The following ABCA4 variants were observed in gnomAD, a reference collection of about 807,000 sequenced individuals.
ABCA4 encodes ATP binding cassette subfamily A member 4.
A neutral mutation model predicts 263.7 loss-of-function variants in ABCA4; 196 were observed. The observed-to-expected ratio is 0.74, with a 90% CI of 0.66 to 0.84. The LOEUF (loss-of-function observed/expected upper bound fraction) is 0.84. ABCA4 is among the 40% of genes least tolerant of loss of function. The pLI is 0.00. For missense variants in ABCA4, 2,792 were observed against 2,855.1 expected (o/e 0.98, Z 0.50); for synonymous variants, 1,133 against 1,094.2 (o/e 1.04, Z -0.70).
In ABCA4 at chr1:94,025,035, C is replaced by G. The variant is rs750087624; in HGVS notation, c.4553G>C (p.Ser1518Thr). 1.9e-6 allele frequency: 3 copies of G among 1,614,056 alleles called. No individual in the cohort carries two copies. In the African/African-American group the frequency reaches 4.0e-5, roughly 22 times the overall value. Residue 1518 changes from serine to threonine, a missense_variant, in exon 31 of 50, where the codon AGC becomes ACC. Transcript: ENST00000370225. ...GLPPPQRTQR[S>T]TEILQDLTDR... Reference sequence around the variant, plus strand: ...CGTCAGGTCTTGTAGAATTTCCGTGCTGCGCTGTGTTCTCTGAGGCAATGA... The same window carrying G: ...CGTCAGGTCTTGTAGAATTTCCGTGGTGCGCTGTGTTCTCTGAGGCAATGA...
chr1:94,115,350 C>T (rs10493870), intron 1 of ABCA4, among the ~76,000 whole-genome samples: 31,937 of 152,090 alleles, frequency 0.21, 3,421 homozygotes, highest in Middle Eastern at 0.23. Flanking sequence ...AGGTCTGGTA[C>T]GTTAAACACT....
intron 6 of ABCA4, among the ~76,000 whole-genome samples, chr1:94,088,518 A>T (rs951534371): frequency 2.0e-5 from 3 of 152,256 alleles, no homozygotes; most frequent in Admixed American, 6.5e-5. Context: ...GCCTAGATCC[A>T]GCGTGTTCTG....
intron 11 of ABCA4, among the ~76,000 whole-genome samples, chr1:94,069,832 AG>A (rs1338687948): frequency 6.6e-6 from 1 of 152,254 alleles, no homozygotes; most frequent in African/African-American, 2.4e-5. Flanking sequence ...GTTCACCCAC[AG>A]AGAGTAAGGA....
chr1:94,026,382 T>A (rs530124734), intron 30 of ABCA4, among the ~76,000 whole-genome samples: 87 of 152,282 alleles, frequency 5.7e-4, no homozygotes, highest in African/African-American at 2.0e-3. Context: ...CTGACACTCT[T>A]TGAAAGAAGA....
At chr1:94,096,455 C>T (rs537681315) in intron 6 of ABCA4, among the ~76,000 whole-genome samples, 23 of 152,220 alleles carry the variant, frequency 1.5e-4, no homozygotes, top group Middle Eastern at 3.4e-3. Context: ...GCACAGTGCC[C>T]GGCCCTTCAC....
chr1:94,079,411 T>C lies in ABCA4; in HGVS notation c.1150A>G (p.Lys384Glu). The change falls in exon 9 of 50, where the codon AAA becomes GAA. Residue 384 changes from lysine to glutamate, a missense_variant. Lys to Glu is a moderately conservative substitution (Grantham distance 56, BLOSUM62 1). Coordinates refer to ENST00000370225, the MANE Select transcript of ABCA4 (RefSeq NM_000350.3). The stretch of plus-strand genomic sequence containing the variant: ...GGCTTTGCCGCCCTCCAAGCGATTT[T>C]GGTTAAAGGATTTGACTCCAGGCTC... ...IQSLESNPLT[K>E]IAWRAAKPLL... The C allele has an allele frequency of 6.2e-7, 1 of 1,614,206 alleles. No individual in the cohort carries two copies. Among genetic ancestry groups the C allele is most frequent in the Non-Finnish European group, 8.5e-7 (1 of 1,180,030 alleles).
chr1:94,063,557 G>A (rs1661187364), intron 11 of ABCA4, among the ~76,000 whole-genome samples: 2 of 152,220 alleles, frequency 1.3e-5, no homozygotes, highest in African/African-American at 4.8e-5. Context: ...CAGAGCTAGT[G>A]AGGACCACAC....
chr1:94,061,141 G>A (rs1323359675), intron 13 of ABCA4, among the ~76,000 whole-genome samples: 2 of 152,336 alleles, frequency 1.3e-5, no homozygotes, highest in African/African-American at 4.8e-5. Flanking sequence ...ACCCAAGAGG[G>A]TGGAGGACTG....
At position 94,080,574 on chromosome 1, in the gene ABCA4, G is replaced by T; in HGVS notation, c.1003C>A (p.Leu335Ile). 6.2e-7 allele frequency: 1 copy of T among 1,614,108 alleles called. No individual in the cohort carries two copies. The highest frequency in any genetic ancestry group is 8.5e-7 in the Non-Finnish European group (1 of 1,180,010). ...TTGTCTTCATACCAGTTGAAGGAGAGCACCCGAGAGCCACCTCCCTCGGGG... is the reference window on the plus strand; with the variant it reads ...TTGTCTTCATACCAGTTGAAGGAGATCACCCGAGAGCCACCTCCCTCGGGG... ...GYPEGGGSRVLSFNWYEDNNY... is the reference protein window; with the variant it reads ...GYPEGGGSRVISFNWYEDNNY... Residue 335 changes from leucine (L) to isoleucine (I), a missense_variant, in exon 8 of 50, where the codon CTC (leucine) becomes ATC (isoleucine). Physicochemically the swap from Leu to Ile is conservative, Grantham distance 5 (BLOSUM62 2). Transcript: ENST00000370225.
At chr1:94,038,330 T>C (rs1157917544) in intron 24 of ABCA4, among the ~76,000 whole-genome samples, 1 of 152,184 alleles carries the variant, frequency 6.6e-6, no homozygotes, top group African/African-American at 2.4e-5. Context: ...TGCATGCACT[T>C]GAAGAGAGAG....
At chr1:94,085,533 C>G (rs1303566387) in intron 6 of ABCA4, among the ~76,000 whole-genome samples, 3 of 152,170 alleles carry the variant, frequency 2.0e-5, no homozygotes, top group Non-Finnish European at 4.4e-5. Flanking sequence ...AAAGGACTGG[C>G]CTTCTTGCCA....
At chr1:94,095,916 G>C (rs1052758536) in intron 6 of ABCA4, among the ~76,000 whole-genome samples, 1 of 151,666 alleles carries the variant, frequency 6.6e-6, no homozygotes, top group Non-Finnish European at 1.5e-5. Context: ...GTGGTGCTCC[G>C]TGGTTAACTG....
intron 44 of ABCA4, among the ~76,000 whole-genome samples, chr1:94,002,772 C>T (rs1473683260): frequency 1.3e-5 from 2 of 152,174 alleles, no homozygotes; most frequent in Non-Finnish European, 2.9e-5. Flanking sequence ...CCTCAAAATG[C>T]AAACCCTGCC....
At chr1:94,074,170 T>C (rs1189787661) in intron 11 of ABCA4, among the ~76,000 whole-genome samples, 1 of 152,150 alleles carries the variant, frequency 6.6e-6, no homozygotes, top group Non-Finnish European at 1.5e-5. Context: ...AACAGACACA[T>C]AGACCAATGG....
Position 94,060,709 on chromosome 1 carries a change from C to T in ABCA4, c.1988G>A (p.Trp663Ter), listed in dbSNP as rs865990202. 2 of 1,614,018 alleles carry T rather than the reference C, an allele frequency of 1.2e-6. No individual in the cohort carries two copies. Among genetic ancestry groups the T allele is most frequent in the Non-Finnish European group, 1.7e-6 (2 of 1,179,980 alleles). ...CACAGTCATGGAGACAGAGTAGATC[C>T]ATGCCAGCACCATGAAGATAGGGAA... ...RCFPIFMVLAWIYSVSMTVKS... is the reference protein window; with the variant it reads ...RCFPIFMVLA The change falls in exon 14 of 50, where the codon TGG becomes TAG. Residue 663 changes from tryptophan (W) to a stop codon, truncating the protein, a stop_gained. Transcript: ENST00000370225. LOFTEE classifies it high-confidence loss of function.
intron 22 of ABCA4, among the ~76,000 whole-genome samples, 197 bp downstream of exon 22, chr1:94,042,564 G>A (rs1660521991): frequency 6.6e-6 from 1 of 152,182 alleles, no homozygotes; most frequent in African/African-American, 2.4e-5. Context: ...CATCATCAGT[G>A]ATTCTCTGTT....
Position 94,113,046 on chromosome 1 carries a change from G to A in ABCA4, c.87C>T (p.Leu29=), listed in dbSNP as rs752224099. 1.2e-5 allele frequency: 20 copies of A among 1,614,060 alleles called. No individual in the cohort carries two copies. The highest frequency in any genetic ancestry group is 6.7e-5 in the East Asian group (3 of 44,880). ...CCAGAAATAAAGATAAAGGCCACAC[G>A]AGTTCCACCACAAAGCGAATCTGGA... is the stretch of plus-strand genomic sequence containing the variant. ...KRQKIRFVVE[L]VWPLSLFLVL... is the part of the protein sequence containing the mutation. Residue 29 remains leucine, a synonymous_variant, in exon 2 of 50, where the codon CTC becomes CTT. Transcript: ENST00000370225.
chr1:94,040,208 G>T, intron 23 of ABCA4, 81 bp from the exon 24 acceptor site: 1 of 1,143,002 alleles, frequency 8.7e-7, no homozygotes, highest in Non-Finnish European at 1.3e-6. Context: ...TGCTGTCACC[G>T]CCCGCTTTAT....
At chr1:94,002,137 C>T in intron 44 of ABCA4, 145 bp from the exon 45 acceptor site, 1 of 1,283,500 alleles carries the variant, frequency 7.8e-7, no homozygotes, top group Non-Finnish European at 1.1e-6. Flanking sequence ...GGCTCCTGTC[C>T]TCTGGCATGT....
Sources: allele counts gnomAD v4.1 joint callset (sites outside exome capture counted in the v4.1 genomes callset), GRCh38; gene constraint gnomAD v4.1.1; transcripts MANE v1.5; gene names NCBI Gene and HGNC (gene_info 2026-07-23, HGNC 2026-07-21).